PEX1: variants seen among roughly 807,000 people sequenced by gnomAD.
PEX1 encodes peroxisomal biogenesis factor 1.
PEX1 carries 97 observed loss-of-function variants against 152.5 expected under a neutral mutation model. The ratio of observed to expected loss-of-function variants is 0.64; its 90% CI spans 0.54 to 0.75. PEX1 has a LOEUF of 0.75. Ranked by LOEUF, PEX1 falls within the 30% of genes least tolerant of loss-of-function variation. PEX1 has a pLI of 0.00. For synonymous variants in PEX1, 485 were observed against 531.6 expected, an observed-to-expected ratio of 0.91 and a Z score of 1.21; for missense variants, 1,357 against 1,516.3, an observed-to-expected ratio of 0.89 and a Z score of 1.74.
intron 20 of PEX1, among the ~76,000 whole-genome samples, chr7:92,492,188 C>T (rs1443067637): frequency 6.6e-6 from 1 of 152,154 alleles, no homozygotes; most frequent in African/African-American, 2.4e-5. Flanking sequence ...ATTCTGTCAT[C>T]CATGCTGGAG....
At position 92,513,854 on chromosome 7, in the gene PEX1, C is replaced by T. The variant is rs1466994344; in HGVS notation, c.1353G>A (p.Glu451=). 4 of 1,598,812 alleles carry T rather than the reference C, an allele frequency of 2.5e-6. No homozygotes were observed. The African/African-American group carries it at 5.4e-5, about 21-fold the overall frequency. The part of the protein sequence containing the change: ...IPRSLKLQPR[E]NLPKDISEED... ...CATATATATTTGAACTCACTAAATT[C>T]TCTCTAGGTTGTAACTTTAGAGATC... The change falls in exon 6 of 24, where the codon GAG becomes GAA. Residue 451 remains glutamate, a synonymous_variant. Coordinates refer to ENST00000248633, the MANE Select transcript of PEX1 (RefSeq NM_000466.3).
intron 11 of PEX1, 85 bp downstream of exon 11, chr7:92,506,163 A>G (rs1026841137): frequency 3.7e-6 from 3 of 800,774 alleles, no homozygotes; most frequent in Non-Finnish European, 6.8e-6. Context: ...TGATATGTGT[A>G]TTTATTAGAT....
chr7:92,522,554 T>C (rs1793097775), intron 1 of PEX1, among the ~76,000 whole-genome samples: 1 of 152,226 alleles, frequency 6.6e-6, no homozygotes, highest in Non-Finnish European at 1.5e-5. Flanking sequence ...TATAACTATT[T>C]GAGCATTTAT....
In PEX1 at chr7:92,511,141, CT is replaced by C. The variant is rs5885807; in HGVS notation, c.1484-95del. On this transcript the variant is annotated intron_variant, in intron 7 of 23. Transcript: ENST00000248633. ...ATGTCAAATTTATTTAAGTTAAAGA[CT>C]TTTTTTTTTTTCCCCCCAACAGGGT... 0.19 allele frequency: 102,476 copies of C among 547,000 alleles called. 1,843 individuals carry two copies. Among genetic ancestry groups the C allele is most frequent in the East Asian group, 0.35 (10,303 of 29,116 alleles). The allele number at this position is 547,000 out of a possible 1,614,324, so 33.9% of individuals were successfully genotyped here. A position where few individuals can be genotyped will look rare whatever the true frequency, so the allele number is the denominator to read the frequency against.
intron 2 of PEX1, among the ~76,000 whole-genome samples, chr7:92,520,788 T>C (rs545233835): frequency 3.9e-5 from 6 of 152,182 alleles, no homozygotes; most frequent in Non-Finnish European, 5.9e-5. Context: ...ATGCACATTG[T>C]TTGTAATACA....
rs1585238583 is a variant in PEX1 at position 92,507,067 on chromosome 7, C to T, written c.1730G>A (p.Arg577His). The part of the protein sequence containing the change: ...LEHITHSLLG[R>H]PLSRQLMSLV... Reference sequence around the variant, plus strand: ...AGACATCAGCTGCCGAGACAAAGGGCGTCCCAGGAGGCTGTGAGTGATGTG... The same window carrying T: ...AGACATCAGCTGCCGAGACAAAGGGTGTCCCAGGAGGCTGTGAGTGATGTG... Residue 577 changes from arginine (R) to histidine (H), a missense_variant, in exon 10 of 24, where the codon CGC (arginine) becomes CAC (histidine). Arg to His is a conservative substitution (Grantham distance 29). Coordinates refer to ENST00000248633, the MANE Select transcript of PEX1 (RefSeq NM_000466.3). The T allele has an allele frequency of 5.0e-6, 8 of 1,613,780 alleles. No individual in the cohort carries two copies. The highest frequency in any genetic ancestry group is 6.8e-6 in the Non-Finnish European group (8 of 1,179,768).
At chr7:92,496,649 A>T in intron 17 of PEX1, 64 bp downstream of exon 17, 1 of 1,094,768 alleles carries the variant, frequency 9.1e-7, no homozygotes, top group Non-Finnish European at 1.4e-6. Flanking sequence ...CAAGACCAAA[A>T]AAAGCACTGA....
intron 12 of PEX1, among the ~76,000 whole-genome samples, chr7:92,503,882 T>C (rs1296456513): frequency 6.6e-6 from 1 of 152,116 alleles, no homozygotes; most frequent in Non-Finnish European, 1.5e-5. Flanking sequence ...CTTAAGAACC[T>C]TGAAGCAAGT....
At chr7:92,502,905 G>A (rs1791999035) in intron 13 of PEX1, 136 bp downstream of exon 13, 4 of 754,560 alleles carry the variant, frequency 5.3e-6, no homozygotes, top group Non-Finnish European at 9.0e-6. Context: ...AGCACAATAT[G>A]CACCAAATGT....
intron 13 of PEX1, 100 bp downstream of exon 13, chr7:92,502,941 A>T: frequency 2.0e-6 from 2 of 990,028 alleles, no homozygotes; most frequent in Non-Finnish European, 3.1e-6. Context: ...TAAAATCATT[A>T]AGAGAAGCAT....
chr7:92,506,102 G>GA, intron 11 of PEX1, 146 bp downstream of exon 11: 1 of 36,556 alleles, frequency 2.7e-5, no homozygotes, highest in South Asian at 3.7e-4. Context: ...ACATTAGAAA[G>GA]CCAAAGAAAT....
In PEX1 at chr7:92,504,895, C is replaced by A; in HGVS notation, c.1908G>T (p.Arg636Ser). The A allele has an allele frequency of 5.0e-6, 8 of 1,612,060 alleles. No homozygotes were observed. The highest frequency in any genetic ancestry group is 3.3e-4 in the Middle Eastern group (2 of 6,056). ...RVDCKALRGK[R>S]LENIQKTLEV... is the part of the protein sequence containing the mutation. ...CTAGGGTTTTTTGTATGTTTTCAAG[C>A]CTTTTTCCTTAATACAGAAGATATG... The change falls in exon 12 of 24, where the codon AGG (arginine) becomes AGT (serine). Residue 636 changes from arginine (R) to serine (S), a missense_variant. Transcript: ENST00000248633.
intron 2 of PEX1, among the ~76,000 whole-genome samples, chr7:92,519,593 C>T (rs898765846): frequency 6.6e-6 from 1 of 152,060 alleles, no homozygotes; most frequent in Admixed American, 6.6e-5. Context: ...ATGACTATAT[C>T]ATCAAGTTAT....
rs1360273158 is a variant in PEX1 at position 92,510,996 on chromosome 7, T to A, written c.1535A>T (p.Asp512Val). The A allele has an allele frequency of 2.5e-6, 4 of 1,586,276 alleles. No homozygotes were observed. The African/African-American group carries it at 4.0e-5, about 16-fold the overall frequency. ...SIVHSWEKEK[D>V]KNIFLLSPNL... ...GGGACTCAACAGAAAAATATTTTTA[T>A]CTTTTTCTTTTTCCCAAGAATGAAC... The change falls in exon 8 of 24, where the codon GAT becomes GTT. Residue 512 changes from aspartate to valine, a missense_variant. Coordinates refer to ENST00000248633, the MANE Select transcript of PEX1 (RefSeq NM_000466.3).
At chr7:92,513,765 A>G in intron 6 of PEX1, 83 bp downstream of exon 6, 3 of 1,015,612 alleles carry the variant, frequency 3.0e-6, no homozygotes, top group South Asian at 1.4e-5. Flanking sequence ...GGAATACAAC[A>G]TTCTTATTAC....
chr7:92,525,066 C>G lies in PEX1; in HGVS notation c.130-2821G>C, dbSNP rs7783591. ...TATTTATTTGGTCAAAAAGTAGTAACCAGCTCCATAAAGCCACAATATGTG... is the reference window on the plus strand; with the variant it reads ...TATTTATTTGGTCAAAAAGTAGTAAGCAGCTCCATAAAGCCACAATATGTG... On this transcript the variant is annotated intron_variant, in intron 1 of 23. Transcript: ENST00000248633. Among the ~76,000 whole-genome samples the G allele has an allele frequency of 5.8e-3, 886 of 152,272 alleles. 6 individuals are homozygous for G. The highest frequency in any genetic ancestry group is 0.02 in the African/African-American group (847 of 41,550).
At chr7:92,506,110 AATT>A in intron 11 of PEX1, 135 bp downstream of exon 11, 1 of 83,716 alleles carries the variant, frequency 1.2e-5, no homozygotes, top group Non-Finnish European at 2.1e-5. Context: ...AAGCCAAAGA[AATT>A]TTAATGACTA....
At chr7:92,492,639 CA>C (rs1287391978) in intron 20 of PEX1, among the ~76,000 whole-genome samples, 1 of 152,064 alleles carries the variant, frequency 6.6e-6, no homozygotes, top group African/African-American at 2.4e-5. Flanking sequence ...TACAAACAAA[CA>C]AAAAACTCTA....
At chr7:92,516,008 A>AAAGAGAAGAGAAGAG (rs770569979) in intron 5 of PEX1, among the ~76,000 whole-genome samples, 80 of 103,548 alleles carry the variant, frequency 7.7e-4, no homozygotes, top group East Asian at 6.5e-3. Context: ...AAAGAAAAGA[A>AAAGAGAAGAGAAGAG]AAGAGAAGAG....
Sources: gnomAD v4.1 joint callset for allele counts (sites outside exome capture counted in the v4.1 genomes callset) on GRCh38, gnomAD v4.1.1 for gene constraint, MANE v1.5 for transcripts, NCBI Gene and HGNC (gene_info 2026-07-23, HGNC 2026-07-21) for gene names.